Variants in NRG3 observed in about 807,000 individuals in gnomAD.
NRG3 encodes the protein neuregulin 3, also known as pro-neuregulin-3, membrane-bound isoform.
NRG3 carries 31 observed loss-of-function variants against 66.9 expected under a neutral mutation model. The observed-to-expected ratio is 0.46, with a 90% CI of 0.35 to 0.63. NRG3 has a LOEUF of 0.63. Ranked by LOEUF, NRG3 falls within the 20% of genes least tolerant of loss-of-function variation. The pLI, the probability that NRG3 is intolerant of heterozygous loss-of-function variation, is 0.00. For synonymous variants in NRG3, 393 were observed against 359.4 expected, an observed-to-expected ratio of 1.09 and a Z score of -1.06; for missense variants, 910 against 878.9, an observed-to-expected ratio of 1.04 and a Z score of -0.45.
chr10:82,957,230 T>C (rs1051984037), intron 5 of NRG3, among the ~76,000 whole-genome samples: 2 of 151,914 alleles, frequency 1.3e-5, no homozygotes, highest in Non-Finnish European at 2.9e-5. Flanking sequence ...ATGAACTTCA[T>C]TTACAGAGGA....
At chr10:82,450,657 G>A (rs1181745726) in intron 2 of NRG3, among the ~76,000 whole-genome samples, 1 of 152,062 alleles carries the variant, frequency 6.6e-6, no homozygotes, top group Non-Finnish European at 1.5e-5. Flanking sequence ...CTCATCCTCT[G>A]CTCAGGTGGA....
At chr10:82,764,246 G>A (rs1054768209) in intron 3 of NRG3, among the ~76,000 whole-genome samples, 1 of 151,902 alleles carries the variant, frequency 6.6e-6, no homozygotes, top group Admixed American at 6.6e-5. Context: ...TGTTGACCAG[G>A]CTGGTCTCGA....
intron 1 of NRG3, among the ~76,000 whole-genome samples, chr10:82,286,010 A>G (rs765381529): frequency 1.3e-5 from 2 of 152,208 alleles, no homozygotes; most frequent in Non-Finnish European, 2.9e-5. Context: ...GATTTTCAAC[A>G]TAGAATGGCT....
chr10:82,897,209 C>T (rs1316688075), intron 4 of NRG3, among the ~76,000 whole-genome samples: 2 of 152,138 alleles, frequency 1.3e-5, no homozygotes, highest in Admixed American at 6.5e-5. Context: ...ATATTTACTG[C>T]AGAATTTCAA....
intron 1 of NRG3, among the ~76,000 whole-genome samples, chr10:82,299,731 C>T (rs2080285328): frequency 6.6e-6 from 1 of 151,922 alleles, no homozygotes. Flanking sequence ...AGTATCTAGC[C>T]CTTGCAGAAA....
At chr10:82,947,699 G>A (rs1015565401) in intron 4 of NRG3, among the ~76,000 whole-genome samples, 3 of 151,890 alleles carry the variant, frequency 2.0e-5, no homozygotes, top group African/African-American at 7.2e-5. Context: ...TATCTTTTTA[G>A]GTACTTATTT....
At chr10:82,789,978 A>G (rs925975242) in intron 3 of NRG3, among the ~76,000 whole-genome samples, 4 of 152,092 alleles carry the variant, frequency 2.6e-5, no homozygotes, top group Admixed American at 6.6e-5. Context: ...AGTGGTAGAG[A>G]CAATCTTTGC....
At chr10:82,047,301 G>T (rs2063346923) in intron 1 of NRG3, among the ~76,000 whole-genome samples, 1 of 152,018 alleles carries the variant, frequency 6.6e-6, no homozygotes. Context: ...ATGATTGTCA[G>T]ATTCACCAAA....
chr10:82,737,704 C>T (rs342360), intron 2 of NRG3, among the ~76,000 whole-genome samples: 90,164 of 151,900 alleles, frequency 0.59, 27,134 homozygotes, highest in East Asian at 0.65. Context: ...AGCCAGGCGT[C>T]TGGGGCCTCG....
At chr10:82,931,933 C>T (rs7893729) in intron 4 of NRG3, among the ~76,000 whole-genome samples, 1 of 151,970 alleles carries the variant, frequency 6.6e-6, no homozygotes, top group South Asian at 2.1e-4. Context: ...CCTCTTTGAG[C>T]TTTTGTTTCT....
At chr10:82,494,992 A>G (rs555332459) in intron 2 of NRG3, among the ~76,000 whole-genome samples, 3 of 151,374 alleles carry the variant, frequency 2.0e-5, no homozygotes, top group South Asian at 2.1e-4. Context: ...CCAGGCTGCA[A>G]TGCAGTGGCA....
chr10:82,719,531 G>A (rs1483044348), intron 2 of NRG3, among the ~76,000 whole-genome samples: 1 of 152,150 alleles, frequency 6.6e-6, no homozygotes, highest in Non-Finnish European at 1.5e-5. Flanking sequence ...GCTTTGAGGG[G>A]AGTTGGCCAG....
chr10:82,380,581 C>A (rs1443136686), intron 2 of NRG3, among the ~76,000 whole-genome samples: 2 of 152,188 alleles, frequency 1.3e-5, no homozygotes, highest in East Asian at 3.9e-4. Flanking sequence ...AGTAAGATGG[C>A]AGATTTCAAT....
At chr10:82,944,364 A>G (rs2132293247) in intron 4 of NRG3, among the ~76,000 whole-genome samples, 1 of 152,212 alleles carries the variant, frequency 6.6e-6, no homozygotes, top group Non-Finnish European at 1.5e-5. Flanking sequence ...AATTCTTTTT[A>G]TTTGCAGAAG....
chr10:82,901,030 G>A (rs1844169605), intron 4 of NRG3, among the ~76,000 whole-genome samples: 1 of 152,088 alleles, frequency 6.6e-6, no homozygotes, highest in Non-Finnish European at 1.5e-5. Context: ...AAATTTAATA[G>A]GAGTTAGTTA....
chr10:82,141,049 T>C (rs571284703), intron 1 of NRG3, among the ~76,000 whole-genome samples: 6 of 152,230 alleles, frequency 3.9e-5, no homozygotes, highest in Admixed American at 6.5e-5. Context: ...GGTGAGTACA[T>C]ATGGGGAACC....
chr10:81,964,044 TAA>T (rs568370915), intron 1 of NRG3, among the ~76,000 whole-genome samples: 1 of 152,146 alleles, frequency 6.6e-6, no homozygotes, highest in African/African-American at 2.4e-5. Context: ...AAAAATAAAA[TAA>T]GTGTTCACAT....
At chr10:81,990,419 G>A (rs535864980) in intron 1 of NRG3, among the ~76,000 whole-genome samples, 1 of 152,156 alleles carries the variant, frequency 6.6e-6, no homozygotes, top group African/African-American at 2.4e-5. Context: ...TGAGAAAACT[G>A]GTTTCATTGT....
rs372596396 is a variant in NRG3, at chr10:82,245,978, G to GTTTTTTTT, written c.824-112745_824-112738dup. 1.1e-3 allele frequency among the ~76,000 whole-genome samples: 116 copies of GTTTTTTTT among 103,262 alleles called. 1 individual carries two copies. Among genetic ancestry groups the GTTTTTTTT allele is most frequent in the African/African-American group, 4.2e-3 (111 of 26,302 alleles). 67.7% of individuals were successfully genotyped at this position (103,262 alleles called of 152,430 possible). ...AGCCTGATTTTTTCCCAGTCTTCTG[G>GTTTTTTTT]TTTTTTTTTTTTTTTTTTTTTTTAA... On this transcript the variant is annotated intron_variant, in intron 1 of 8. Coordinates refer to ENST00000372141, the MANE Select transcript of NRG3 (RefSeq NM_001010848.4).
Sources: gnomAD v4.1 joint callset for allele counts (sites outside exome capture counted in the v4.1 genomes callset) on GRCh38, gnomAD v4.1.1 for gene constraint, MANE v1.5 for transcripts, NCBI Gene and HGNC (gene_info 2026-07-23, HGNC 2026-07-21) for gene names.